The following CMYA5 variants were observed in gnomAD, a reference collection of about 807,000 sequenced individuals.
CMYA5 encodes cardiomyopathy-associated protein 5.
CMYA5 carries 246 observed loss-of-function variants against 318.9 expected under a neutral mutation model. That is an observed-to-expected ratio of 0.77 (90% CI 0.70 to 0.86). The LOEUF is 0.86. Among genes scored for constraint, CMYA5 ranks in the 40% least tolerant of loss-of-function variants. The probability of loss-of-function intolerance (pLI) is 0.00; values close to 1 mark genes in which losing one functional copy is unlikely to be tolerated. For synonymous variants in CMYA5, 1,641 were observed against 1,729.5 expected, an observed-to-expected ratio of 0.95 and a Z score of 1.27; for missense variants, 4,589 against 4,678.2, an observed-to-expected ratio of 0.98 and a Z score of 0.56.
chr5:79,693,125 A>G (rs949437337), intron 1 of CMYA5, among the ~76,000 whole-genome samples: 1 of 152,158 alleles, frequency 6.6e-6, no homozygotes, highest in African/African-American at 2.4e-5. Flanking sequence ...CAGTGTTTTG[A>G]ATCATAATAA....
intron 6 of CMYA5, among the ~76,000 whole-genome samples, chr5:79,755,167 C>G (rs1244813606): frequency 6.6e-6 from 1 of 152,144 alleles, no homozygotes; most frequent in Non-Finnish European, 1.5e-5. Flanking sequence ...TGCTTAACTC[C>G]CCCAGTGTGG....
chr5:79,735,476 A>G lies in CMYA5; in HGVS notation c.6711A>G (p.Ser2237=), dbSNP rs1177854490. Residue 2237 remains serine (S), a synonymous_variant, in exon 2 of 13, where the codon TCA becomes TCG. Coordinates refer to ENST00000446378, the MANE Select transcript of CMYA5 (RefSeq NM_153610.5). ...TAGCTGAGAAACCAGCTGATCATTC[A>G]TTATCAGAGGTAAAACTTAAAACTG... ...FNVAEKPADH[S]LSEVKLKTAD... The G allele has an allele frequency of 1.6e-5, 26 of 1,613,896 alleles. No homozygotes were observed. The highest frequency in any genetic ancestry group is 2.1e-5 in the Non-Finnish European group (25 of 1,179,792).
At position 79,734,810 on chromosome 5, in the gene CMYA5, G is replaced by A. The variant is rs749907489; in HGVS notation, c.6045G>A (p.Glu2015=). Residue 2015 remains glutamate (E), a synonymous_variant, in exon 2 of 13, where the codon GAG becomes GAA. Coordinates refer to ENST00000446378, the MANE Select transcript of CMYA5 (RefSeq NM_153610.5). ...GGAAGGAGATTCATTCTTTGATGGAGAGTGAAAGTTTGCTATTGGAGAAAG... is the reference window on the plus strand; with the variant it reads ...GGAAGGAGATTCATTCTTTGATGGAAAGTGAAAGTTTGCTATTGGAGAAAG... The part of the protein sequence containing the change: ...AEGKEIHSLM[E]SESLLLEKAN... The A allele has an allele frequency of 3.7e-6, 6 of 1,613,644 alleles. No homozygotes were observed. In the East Asian group the frequency reaches 1.1e-4, roughly 30 times the overall value.
Position 79,748,520 on chromosome 5 carries a change from C to CCTATCTATCTATCTAT in CMYA5, c.10991+1424_10991+1439dup, listed in dbSNP as rs5869002. Among the ~76,000 whole-genome samples, 360 of 149,200 alleles carry CCTATCTATCTATCTAT rather than the reference C, an allele frequency of 2.4e-3. 1 individual carries two copies. The highest frequency in any genetic ancestry group is 7.7e-3 in the African/African-American group (309 of 40,378). ...CCCTATCTATCTATCTATCTATCTA[C>CCTATCTATCTATCTAT]CTATCTATCTATCTATCTATCTATC... On this transcript the variant is annotated intron_variant, in intron 5 of 12. Coordinates refer to ENST00000446378, the MANE Select transcript of CMYA5 (RefSeq NM_153610.5).
chr5:79,765,755 G>C (rs910674603), intron 9 of CMYA5, among the ~76,000 whole-genome samples: 3 of 152,028 alleles, frequency 2.0e-5, no homozygotes, highest in Non-Finnish European at 4.4e-5. Context: ...GTAGCAATTG[G>C]GAATGGGCAT....
At chr5:79,754,689 T>C (rs1310502787) in intron 6 of CMYA5, among the ~76,000 whole-genome samples, 1 of 152,112 alleles carries the variant, frequency 6.6e-6, no homozygotes, top group Non-Finnish European at 1.5e-5. Flanking sequence ...TAACAAAATT[T>C]ACCATCTTGC....
At chr5:79,694,043 T>C (rs1827022186) in intron 1 of CMYA5, among the ~76,000 whole-genome samples, 2 of 152,120 alleles carry the variant, frequency 1.3e-5, no homozygotes, top group South Asian at 4.1e-4. Context: ...ATGTGTCTTA[T>C]TTGAGGAACG....
intron 6 of CMYA5, 92 bp downstream of exon 6, chr5:79,752,886 G>A (rs1347386928): frequency 1.2e-6 from 1 of 839,166 alleles, no homozygotes; most frequent in South Asian, 1.6e-5. Flanking sequence ...AAGATTTTGA[G>A]TGTAAAGACA....
chr5:79,744,400 A>G (rs749866257), intron 3 of CMYA5, among the ~76,000 whole-genome samples: 1 of 152,290 alleles, frequency 6.6e-6, no homozygotes, highest in Non-Finnish European at 1.5e-5. Context: ...TGATGAGTTC[A>G]TACTCTCCTA....
At position 79,729,652 on chromosome 5, in the gene CMYA5, TA is replaced by T. The variant is rs749819008; in HGVS notation, c.891del (p.Glu298ArgfsTer17). ...KLVAQSIEDKVKEVFPPWRGA... is the reference protein window; with the variant it reads ...KLVAQSIEDKXKEVFPPWRGA... ...GTAGCCCAAAGCATAGAGGATAAAGTAAAAGAGGTTTTTCCACCCTGGAGAG... is the reference window on the plus strand; with the variant it reads ...GTAGCCCAAAGCATAGAGGATAAAGTAAAGAGGTTTTTCCACCCTGGAGAG... On this transcript the variant is annotated frameshift_variant, in exon 2 of 13. Transcript: ENST00000446378. LOFTEE classifies it high-confidence loss of function. 1.2e-6 allele frequency: 2 copies of T among 1,613,726 alleles called. No homozygotes were observed.
chr5:79,734,776 T>C lies in CMYA5; in HGVS notation c.6011T>C (p.Ile2004Thr). The change falls in exon 2 of 13, where the codon ATA (isoleucine) becomes ACA (threonine). Residue 2004 changes from isoleucine to threonine, a missense_variant. Transcript: ENST00000446378. Reference sequence around the variant, plus strand: ...CTAGCTGGAAATGTAGAGAGAAACATAGCAGAGGGGAAGGAGATTCATTCT... The same window carrying C: ...CTAGCTGGAAATGTAGAGAGAAACACAGCAGAGGGGAAGGAGATTCATTCT... ...LVLAGNVERN[I>T]AEGKEIHSLM... 5 of 1,613,776 alleles carry C rather than the reference T, an allele frequency of 3.1e-6. No individual in the cohort carries two copies. The highest frequency in any genetic ancestry group is 4.2e-6 in the Non-Finnish European group (5 of 1,179,800).
chr5:79,789,154 T>C lies in CMYA5; in HGVS notation c.11689+50T>C, dbSNP rs757639300. 4 of 1,605,342 alleles carry C rather than the reference T, an allele frequency of 2.5e-6. No homozygotes were observed. In the South Asian group the frequency reaches 4.5e-5, roughly 18 times the overall value. On this transcript the variant is annotated intron_variant, in intron 10 of 12. Transcript: ENST00000446378. Reference sequence around the variant, plus strand: ...AGCTATTTCCAAGCTATTTCTTCCCTTCCACCCCTCAGAGAAGATGTCCTA... The same window carrying C: ...AGCTATTTCCAAGCTATTTCTTCCCCTCCACCCCTCAGAGAAGATGTCCTA...
Position 79,799,596 on chromosome 5 carries a change from G to T in CMYA5, c.12190G>T (p.Asp4064Tyr). 2 of 1,612,874 alleles carry T rather than the reference G, an allele frequency of 1.2e-6. No individual in the cohort carries two copies. Among genetic ancestry groups the T allele is most frequent in the Non-Finnish European group, 1.7e-6 (2 of 1,179,320 alleles). Residue 4064 changes from aspartate to tyrosine, a missense_variant, in exon 13 of 13, where the codon GAT becomes TAT. Asp to Tyr is a radical substitution (Grantham distance 160). Transcript: ENST00000446378. ...CTLHLGIEPPDSVRHK is the reference protein window; with the variant it reads ...CTLHLGIEPPYSVRHK ...TTTGCACCTGGGGATAGAGCCCCCGGATTCTGTAAGGCACAAGTGATCCTT... is the reference window on the plus strand; with the variant it reads ...TTTGCACCTGGGGATAGAGCCCCCGTATTCTGTAAGGCACAAGTGATCCTT...
At chr5:79,775,287 G>A (rs1028610896) in intron 9 of CMYA5, among the ~76,000 whole-genome samples, 1 of 152,112 alleles carries the variant, frequency 6.6e-6, no homozygotes, top group Admixed American at 6.5e-5. Context: ...CCTCCTAGTT[G>A]TACAGTAAAA....
chr5:79,748,948 T>C (rs776920551), intron 5 of CMYA5, among the ~76,000 whole-genome samples: 3 of 152,350 alleles, frequency 2.0e-5, no homozygotes, highest in Non-Finnish European at 4.4e-5. Context: ...TCATGGAAGT[T>C]ACTGCTCAGT....
Position 79,754,429 on chromosome 5 carries a change from G to A in CMYA5, c.11110+1635G>A, listed in dbSNP as rs781751865. On this transcript the variant is annotated intron_variant, in intron 6 of 12. Coordinates refer to ENST00000446378, the MANE Select transcript of CMYA5 (RefSeq NM_153610.5). ...ACCATAACCCAAGGAGGTAGGTTTT[G>A]TTATTCCCATTTGACAGGTGAGGAA... is the stretch of plus-strand genomic sequence containing the variant. 2.0e-5 allele frequency among the ~76,000 whole-genome samples: 3 copies of A among 152,148 alleles called. No individual in the cohort carries two copies. The East Asian group carries it at 5.8e-4, about 29-fold the overall frequency.
At position 79,733,806 on chromosome 5, in the gene CMYA5, G is replaced by A. The variant is rs781161578; in HGVS notation, c.5041G>A (p.Gly1681Arg). Residue 1681 changes from glycine (G) to arginine (R), a missense_variant, in exon 2 of 13, where the codon GGA (glycine) becomes AGA (arginine). By Grantham distance (125) the Gly-to-Arg change is moderately radical (BLOSUM62 -2). Transcript: ENST00000446378. ...CCCAGCTGAGCTTAGGAGCAGAGAAGGAAAAGAAGAAAATAGAGAGCTTTG... is the reference window on the plus strand; with the variant it reads ...CCCAGCTGAGCTTAGGAGCAGAGAAAGAAAAGAAGAAAATAGAGAGCTTTG... The part of the protein sequence containing the change: ...KGPAELRSRE[G>R]KEENRELCAS... 1 of 1,613,666 alleles carries A rather than the reference G, an allele frequency of 6.2e-7. No homozygotes were observed. Among genetic ancestry groups the A allele is most frequent in the South Asian group, 1.1e-5 (1 of 91,050 alleles).
In CMYA5 at chr5:79,736,500, T is replaced by G. The variant is rs755625049; in HGVS notation, c.7735T>G (p.Ser2579Ala). The stretch of plus-strand genomic sequence containing the variant: ...AGAATCAGATATCTCTTTAGGTCAT[T>G]CTTTGGGTGAAACTCAATCATTTTC... The part of the protein sequence containing the change: ...SRESDISLGH[S>A]LGETQSFSLV... Residue 2579 changes from serine to alanine, a missense_variant, in exon 2 of 13, where the codon TCT (serine) becomes GCT (alanine). Physicochemically the swap from Ser to Ala is moderately conservative, Grantham distance 99. Transcript: ENST00000446378. 14 of 1,612,582 alleles carry G rather than the reference T, an allele frequency of 8.7e-6. No homozygotes were observed. The East Asian group carries it at 1.3e-4, about 15-fold the overall frequency.
At chr5:79,790,533 T>G (rs538524564) in intron 10 of CMYA5, among the ~76,000 whole-genome samples, 9 of 152,342 alleles carry the variant, frequency 5.9e-5, no homozygotes, top group Non-Finnish European at 1.3e-4. Context: ...CCTCCCAAAG[T>G]GCTGGGATTA....
Sources: gnomAD v4.1 joint callset for allele counts (sites outside exome capture counted in the v4.1 genomes callset) on GRCh38, gnomAD v4.1.1 for gene constraint, MANE v1.5 for transcripts, NCBI Gene and HGNC (gene_info 2026-07-23, HGNC 2026-07-21) for gene names.